Variants in TRPM3 observed in about 807,000 individuals in gnomAD.
TRPM3 encodes long transient receptor potential channel 3.
TRPM3 carries 77 observed loss-of-function variants against 181.2 expected under a neutral mutation model. The observed-to-expected ratio is 0.42, with a 90% CI of 0.35 to 0.51. TRPM3 has a LOEUF of 0.51. Among genes scored for constraint, TRPM3 ranks in the 20% least tolerant of loss-of-function variants. The pLI, the probability that TRPM3 is intolerant of heterozygous loss-of-function variation, is 0.01. For synonymous variants in TRPM3, 745 were observed against 796.4 expected (o/e 0.94, Z 1.09); for missense variants, 1,759 against 2,196.7 (o/e 0.80, Z 3.98).
intron 1 of TRPM3, among the ~76,000 whole-genome samples, chr9:71,250,089 A>G (rs1171066569): frequency 6.6e-6 from 1 of 152,238 alleles, no homozygotes; most frequent in Non-Finnish European, 1.5e-5. Context: ...CACCATTTAC[A>G]TGACAGACTC....
intron 1 of TRPM3, among the ~76,000 whole-genome samples, chr9:71,259,943 G>C (rs1425873994): frequency 6.6e-6 from 1 of 152,084 alleles, no homozygotes; most frequent in Non-Finnish European, 1.5e-5. Flanking sequence ...TTTTAGTCAT[G>C]AAGTCTTTGC....
intron 1 of TRPM3, among the ~76,000 whole-genome samples, chr9:71,096,429 G>A (rs1025340380): frequency 6.6e-6 from 1 of 151,102 alleles, no homozygotes; most frequent in African/African-American, 2.4e-5. Context: ...ACAAAACAAA[G>A]ACCACATACT....
At chr9:71,331,001 G>A (rs2132532719) in intron 1 of TRPM3, among the ~76,000 whole-genome samples, 1 of 151,730 alleles carries the variant, frequency 6.6e-6, no homozygotes, top group East Asian at 1.9e-4. Context: ...TGAGAGCTTG[G>A]GCAAGCTGCT....
chr9:70,859,997 T>C (rs2095484136), intron 3 of TRPM3, among the ~76,000 whole-genome samples: 1 of 152,168 alleles, frequency 6.6e-6, no homozygotes, highest in Non-Finnish European at 1.5e-5. Flanking sequence ...ACAGAGTTGA[T>C]TGTGGACTTA....
intron 1 of TRPM3, among the ~76,000 whole-genome samples, chr9:71,420,557 GAGAA>G (rs748190604): frequency 7.3e-6 from 1 of 137,714 alleles, no homozygotes; most frequent in Non-Finnish European, 1.6e-5. Context: ...GAGAAAGAAA[GAGAA>G]AGAAAAAGAG....
chr9:71,133,577 C>T (rs564771280), intron 1 of TRPM3, among the ~76,000 whole-genome samples: 57 of 152,190 alleles, frequency 3.7e-4, no homozygotes, highest in South Asian at 1.9e-3. Context: ...GGTTTACAGG[C>T]GTGAGCCACT....
intron 6 of TRPM3, 99 bp downstream of exon 6, chr9:70,827,748 T>G: frequency 7.1e-7 from 1 of 1,417,212 alleles, no homozygotes; most frequent in Non-Finnish European, 9.6e-7. Flanking sequence ...GTTTAAAACT[T>G]GCTCAAGTTT....
intron 1 of TRPM3, among the ~76,000 whole-genome samples, chr9:71,259,332 A>G (rs531896001): frequency 6.6e-6 from 1 of 152,256 alleles, no homozygotes; most frequent in Non-Finnish European, 1.5e-5. Flanking sequence ...CTTTGCTATT[A>G]TGAATAGTGC....
chr9:70,689,679 C>T (rs2067956483), intron 8 of TRPM3, among the ~76,000 whole-genome samples: 1 of 151,934 alleles, frequency 6.6e-6, no homozygotes, highest in African/African-American at 2.4e-5. Context: ...ATAGGCAGCA[C>T]CAATTTACCC....
chr9:70,803,873 C>T (rs1018988201), intron 6 of TRPM3, among the ~76,000 whole-genome samples: 15 of 152,186 alleles, frequency 9.9e-5, no homozygotes, highest in African/African-American at 3.6e-4. Flanking sequence ...ACTCCCACCT[C>T]TCCCACCTGA....
At chr9:71,083,118 G>A (rs145972666) in intron 1 of TRPM3, among the ~76,000 whole-genome samples, 1 of 152,162 alleles carries the variant, frequency 6.6e-6, no homozygotes, top group African/African-American at 2.4e-5. Flanking sequence ...AGACGTATGA[G>A]CCTGAATTCC....
chr9:70,809,593 T>C (rs1227335474), intron 6 of TRPM3, among the ~76,000 whole-genome samples: 1 of 152,248 alleles, frequency 6.6e-6, no homozygotes, highest in African/African-American at 2.4e-5. Context: ...GGCTATACTA[T>C]ATAGCCTAGG....
At chr9:71,283,287 A>ATTTC (rs1211816985) in intron 1 of TRPM3, among the ~76,000 whole-genome samples, 1 of 151,784 alleles carries the variant, frequency 6.6e-6, no homozygotes, top group African/African-American at 2.4e-5. Context: ...ATGTGTCAGC[A>ATTTC]TTTCTTTCTT....
rs540323939 is a variant in TRPM3, at chr9:70,829,898, C to A, written c.802-1880G>T. Among the ~76,000 whole-genome samples, 14 of 152,256 alleles carry A rather than the reference C, an allele frequency of 9.2e-5. No individual in the cohort carries two copies. The South Asian group carries it at 2.7e-3, about 29-fold the overall frequency. ...TACTTGTTTTTTATCATAAAACATT[C>A]ATTCTACAGCAGAGTGCAAGTTAAT... On this transcript the variant is annotated intron_variant, in intron 5 of 25. Transcript: ENST00000677713.
At position 70,625,123 on chromosome 9, in the gene TRPM3, A is replaced by G; in HGVS notation, c.1809+68T>C. On this transcript the variant is annotated intron_variant, in intron 14 of 25. Coordinates refer to ENST00000677713, the MANE Select transcript of TRPM3 (RefSeq NM_001366145.2). This position sits in a 1 kb window ranked among gnomAD's most constrained non-coding sequence, Gnocchi z 4.8. ...TTTTAATTCCCCTTGGAGACAAAGA[A>G]GCCACAACCCAAATCCCATACACCC... The G allele has an allele frequency of 1.3e-6, 2 of 1,553,784 alleles. No homozygotes were observed. The highest frequency in any genetic ancestry group is 2.4e-5 in the South Asian group (2 of 83,852).
intron 1 of TRPM3, among the ~76,000 whole-genome samples, chr9:71,093,841 T>C (rs1565179759): frequency 6.6e-6 from 1 of 152,034 alleles, no homozygotes; most frequent in African/African-American, 2.4e-5. Flanking sequence ...CCAACCCAAA[T>C]GCCCATCAAG....
intron 22 of TRPM3, among the ~76,000 whole-genome samples, chr9:70,563,485 T>G (rs938232205): frequency 6.6e-6 from 1 of 152,176 alleles, no homozygotes; most frequent in Non-Finnish European, 1.5e-5. Flanking sequence ...TTTCTTCACT[T>G]CTCCTTTCAC....
intron 4 of TRPM3, among the ~76,000 whole-genome samples, chr9:70,846,072 A>G (rs2094939451): frequency 6.6e-6 from 1 of 152,240 alleles, no homozygotes; most frequent in African/African-American, 2.4e-5. Flanking sequence ...CATTCCCTAA[A>G]GAATTATTGG....
chr9:71,356,452 T>C (rs2091901188), intron 1 of TRPM3, among the ~76,000 whole-genome samples: 1 of 152,146 alleles, frequency 6.6e-6, no homozygotes, highest in East Asian at 1.9e-4. Flanking sequence ...TTACTGTCTC[T>C]ATGCTATGAG....
Sources: gnomAD v4.1 joint callset for allele counts (sites outside exome capture counted in the v4.1 genomes callset) on GRCh38, gnomAD v4.1.1 for gene constraint, Gnocchi (gnomAD v3.1) non-coding constraint, MANE v1.5 for transcripts, NCBI Gene and HGNC (gene_info 2026-07-23, HGNC 2026-07-21) for gene names.